ACER3: variants seen among roughly 807,000 people sequenced by gnomAD.
The protein encoded by ACER3 is alkaline ceramidase 3.
In ACER3, 16 loss-of-function variants were observed where a neutral mutation model predicts 48.9. That is an observed-to-expected ratio of 0.33 (90% CI 0.22 to 0.50). The LOEUF is 0.50. Ranked by LOEUF, ACER3 falls within the 20% of genes least tolerant of loss-of-function variation. ACER3 has a pLI of 0.98. For missense variants in ACER3, 227 were observed against 326.0 expected (o/e 0.70, Z 2.34); for synonymous variants, 109 against 107.8 (o/e 1.01, Z -0.07).
At chr11:76,999,297 A>C (rs533843120) in intron 7 of ACER3, among the ~76,000 whole-genome samples, 1 of 152,096 alleles carries the variant, frequency 6.6e-6, no homozygotes, top group African/African-American at 2.4e-5. Flanking sequence ...TTAAATAAGA[A>C]ATAACATTCA....
At chr11:76,920,858 C>T (rs922817771) in intron 1 of ACER3, among the ~76,000 whole-genome samples, 2 of 152,104 alleles carry the variant, frequency 1.3e-5, no homozygotes, top group Middle Eastern at 3.4e-3. Context: ...AGGCTGGTGT[C>T]GAACTCCTGG....
chr11:76,990,652 A>G lies in ACER3; in HGVS notation c.438+78A>G, dbSNP rs371939614. The G allele has an allele frequency of 2.4e-5, 24 of 982,902 alleles. No individual in the cohort carries two copies. In the African/African-American group the frequency reaches 3.6e-4, roughly 15 times the overall value. 60.9% of individuals were successfully genotyped at this position (982,902 alleles called of 1,614,324 possible). On this transcript the variant is annotated intron_variant, in intron 6 of 10. Coordinates refer to ENST00000532485, the MANE Select transcript of ACER3 (RefSeq NM_018367.7). ...TTGTGATTTCCTTGTCTAAGAAATG[A>G]TATGCAGATAAAAATTTTTTTAATG...
Position 76,996,047 on chromosome 11 carries a change from T to G in ACER3, c.439-2716T>G, listed in dbSNP as rs564313689. On this transcript the variant is annotated intron_variant, in intron 6 of 10. Coordinates refer to ENST00000532485, the MANE Select transcript of ACER3 (RefSeq NM_018367.7). ...AACTCACTACTTTTCTCCCTAGTCTTTCTTCTCTTCATATATTCTCTAATC... is the reference window on the plus strand; with the variant it reads ...AACTCACTACTTTTCTCCCTAGTCTGTCTTCTCTTCATATATTCTCTAATC... Among the ~76,000 whole-genome samples, 13 of 152,134 alleles carry G rather than the reference T, an allele frequency of 8.5e-5. No homozygotes were observed. In the South Asian group the frequency reaches 1.7e-3, roughly 19 times the overall value.
chr11:76,908,341 A>G (rs961713035), intron 1 of ACER3, among the ~76,000 whole-genome samples: 1 of 152,218 alleles, frequency 6.6e-6, no homozygotes, highest in African/African-American at 2.4e-5. Flanking sequence ...ATGATTGTAT[A>G]TTAGAAAACC....
intron 1 of ACER3, among the ~76,000 whole-genome samples, chr11:76,918,247 A>G (rs1193920793): frequency 6.7e-6 from 1 of 149,550 alleles, no homozygotes; most frequent in Non-Finnish European, 1.5e-5. Flanking sequence ...AGTAAGACAC[A>G]CTTGGTTTCC....
intron 2 of ACER3, among the ~76,000 whole-genome samples, chr11:76,943,939 T>G (rs1565191593): frequency 6.6e-6 from 1 of 151,630 alleles, no homozygotes; most frequent in East Asian, 1.9e-4. Flanking sequence ...TGTTTTTGAT[T>G]TAAAGTCTAT....
intron 1 of ACER3, among the ~76,000 whole-genome samples, chr11:76,867,451 AG>A (rs1308676848): frequency 8.7e-5 from 10 of 115,588 alleles, no homozygotes; most frequent in Non-Finnish European, 8.3e-5. Flanking sequence ...CCTTGGTGAC[AG>A]AGTGAGACTC....
At chr11:76,990,341 GCACT>G (rs1948773313) in intron 5 of ACER3, among the ~76,000 whole-genome samples, 194 bp from the exon 6 acceptor site, 2 of 152,308 alleles carry the variant, frequency 1.3e-5, no homozygotes, top group South Asian at 4.1e-4. Flanking sequence ...AACAGGGCTA[GCACT>G]GAGGAAATCC....
chr11:77,008,804 C>T (rs1949205342), intron 7 of ACER3, among the ~76,000 whole-genome samples: 1 of 152,050 alleles, frequency 6.6e-6, no homozygotes. Context: ...CCCTATAATT[C>T]CAGCACTTAG....
chr11:76,974,164 A>C (rs545597379), intron 3 of ACER3, among the ~76,000 whole-genome samples: 2 of 152,160 alleles, frequency 1.3e-5, no homozygotes, highest in African/African-American at 4.8e-5. Context: ...GAGTATTCCA[A>C]GTTTGTTGTT....
At chr11:77,009,404 T>A (rs887086220) in intron 7 of ACER3, among the ~76,000 whole-genome samples, 5 of 152,120 alleles carry the variant, frequency 3.3e-5, no homozygotes, top group African/African-American at 1.2e-4. Context: ...CTCAAACACC[T>A]CCCACCAGGC....
At chr11:76,952,650 A>G (rs1034398034) in intron 2 of ACER3, among the ~76,000 whole-genome samples, 8 of 149,494 alleles carry the variant, frequency 5.4e-5, no homozygotes, top group Non-Finnish European at 1.2e-4. Context: ...AAATGGCTAT[A>G]GAAGTTACGT....
At chr11:76,986,991 C>G (rs536866985) in intron 5 of ACER3, among the ~76,000 whole-genome samples, 38 of 152,080 alleles carry the variant, frequency 2.5e-4, no homozygotes, top group Non-Finnish European at 2.8e-4. Flanking sequence ...GCTTGAACCC[C>G]GGAGGCGGAG....
chr11:77,006,082 C>T (rs566179202), intron 7 of ACER3, among the ~76,000 whole-genome samples: 92 of 146,776 alleles, frequency 6.3e-4, no homozygotes, highest in Non-Finnish European at 9.9e-4. Flanking sequence ...CTCTGCCTCT[C>T]GGGTTCAAGC....
At chr11:76,899,117 A>G (rs183307747) in intron 1 of ACER3, among the ~76,000 whole-genome samples, 16 of 152,268 alleles carry the variant, frequency 1.1e-4, no homozygotes, top group African/African-American at 3.9e-4. Context: ...TAAAGAATAT[A>G]CAGATTTCTA....
At chr11:76,901,050 T>C (rs1428996431) in intron 1 of ACER3, among the ~76,000 whole-genome samples, 1 of 152,214 alleles carries the variant, frequency 6.6e-6, no homozygotes, top group Non-Finnish European at 1.5e-5. Flanking sequence ...TTCTATGGTG[T>C]AATTTTCCAG....
In ACER3 at chr11:76,976,177, G is replaced by T. The variant is rs1390387938; in HGVS notation, c.268-112G>T. 6 of 821,520 alleles carry T rather than the reference G, an allele frequency of 7.3e-6. No individual in the cohort carries two copies. The East Asian group carries it at 1.6e-4, about 22-fold the overall frequency. 50.9% of individuals were successfully genotyped at this position (821,520 alleles called of 1,614,324 possible). ...GCTGGGATTACAGGTGTGAGCCTCT[G>T]TGCCTGGTCTAAGAGCTGAAAATCT... On this transcript the variant is annotated intron_variant, in intron 3 of 10. Coordinates refer to ENST00000532485, the MANE Select transcript of ACER3 (RefSeq NM_018367.7).
intron 1 of ACER3, among the ~76,000 whole-genome samples, chr11:76,926,262 C>A (rs2134810965): frequency 6.6e-6 from 1 of 152,316 alleles, no homozygotes; most frequent in South Asian, 2.1e-4. Context: ...TGCTGTATCT[C>A]TGAGGTTCTT....
At chr11:76,912,666 T>C (rs10899309) in intron 1 of ACER3, among the ~76,000 whole-genome samples, 9,303 of 152,122 alleles carry the variant, frequency 0.061, 318 homozygotes, top group Middle Eastern at 0.11. Context: ...GTCTGAGTAA[T>C]GTGGAGGCAG....
Sources: gnomAD v4.1 joint callset for allele counts (sites outside exome capture counted in the v4.1 genomes callset) on GRCh38, gnomAD v4.1.1 for gene constraint, MANE v1.5 for transcripts, NCBI Gene and HGNC (gene_info 2026-07-23, HGNC 2026-07-21) for gene names.